Variants in CPT1A observed in about 807,000 individuals in gnomAD.
The protein encoded by CPT1A is carnitine palmitoyltransferase 1A, also known as carnitine O-palmitoyltransferase 1, liver isoform.
Under a neutral mutation model 100.8 loss-of-function variants are expected in CPT1A, and 64 were observed. That is an observed-to-expected ratio of 0.63 (90% confidence interval 0.52 to 0.78). CPT1A has a LOEUF of 0.78. Ranked by LOEUF, CPT1A falls within the 30% of genes least tolerant of loss-of-function variation. CPT1A has a pLI of 0.00. For synonymous variants in CPT1A, 363 were observed against 396.0 expected, an observed-to-expected ratio of 0.92 and a Z score of 0.99; for missense variants, 802 against 1,034.1, an observed-to-expected ratio of 0.78 and a Z score of 3.08.
At chr11:68,770,527 C>T (rs1297270316) in intron 14 of CPT1A, among the ~76,000 whole-genome samples, 1 of 152,192 alleles carries the variant, frequency 6.6e-6, no homozygotes, top group Non-Finnish European at 1.5e-5. Context: ...TACACGATGC[C>T]ACTTATCCTG....
Position 68,797,126 on chromosome 11 carries a change from G to T in CPT1A, c.694-193C>A, listed in dbSNP as rs76665818. Among the ~76,000 whole-genome samples, 1,468 of 152,244 alleles carry T rather than the reference G, an allele frequency of 9.6e-3. 30 individuals are homozygous for T. Among genetic ancestry groups the T allele is most frequent in the African/African-American group, 0.034 (1,414 of 41,530 alleles). On this transcript the variant is annotated intron_variant, in intron 6 of 18. Transcript: ENST00000265641. ...TGCGACACCGTGGGAAATGAAAAGT[G>T]TTCTTTTTAAGTTGAGACAGGCAGA...
At position 68,807,583 on chromosome 11, in the gene CPT1A, C is replaced by G; in HGVS notation, c.337G>C (p.Gly113Arg). The G allele has an allele frequency of 6.2e-7, 1 of 1,614,172 alleles. No homozygotes were observed. The highest frequency in any genetic ancestry group is 8.5e-7 in the Non-Finnish European group (1 of 1,180,046). ...GTGACGATGAGGGCCACCCACAGGCCGGTGCCAAACAGCACGCCGCTGACC... is the reference window on the plus strand; with the variant it reads ...GTGACGATGAGGGCCACCCACAGGCGGGTGCCAAACAGCACGCCGCTGACC... The part of the protein sequence containing the change: ...NVVSGVLFGT[G>R]LWVALIVTMR... Residue 113 changes from glycine to arginine, a missense_variant, in exon 4 of 19, where the codon GGC becomes CGC. By Grantham distance (125) the Gly-to-Arg change is moderately radical. Coordinates refer to ENST00000265641, the MANE Select transcript of CPT1A (RefSeq NM_001876.4).
At chr11:68,818,856 T>TAAACAA (rs34752141) in intron 1 of CPT1A, among the ~76,000 whole-genome samples, 41 of 151,722 alleles carry the variant, frequency 2.7e-4, no homozygotes, top group South Asian at 2.5e-3. Context: ...AGACCCTATC[T>TAAACAA]CAACAACAAC....
chr11:68,803,691 A>G (rs896216448), intron 5 of CPT1A, among the ~76,000 whole-genome samples: 1 of 151,800 alleles, frequency 6.6e-6, no homozygotes, highest in Non-Finnish European at 1.5e-5. Context: ...AGCCTGGGTG[A>G]CAGAGGGAGA....
At position 68,805,831 on chromosome 11, in the gene CPT1A, G is replaced by A. The variant is rs2154000692; in HGVS notation, c.453+1636C>T. Among the ~76,000 whole-genome samples the A allele has an allele frequency of 1.3e-5, 2 of 152,266 alleles. 1 individual carries two copies. Among genetic ancestry groups the A allele is most frequent in the South Asian group, 4.1e-4 (2 of 4,832 alleles). The stretch of plus-strand genomic sequence containing the variant: ...ACACACATCTGGCCCCAGAAACCCA[G>A]GTTGGGCTTGAGGTGCCGAGCAAAG... On this transcript the variant is annotated intron_variant, in intron 4 of 18. Coordinates refer to ENST00000265641, the MANE Select transcript of CPT1A (RefSeq NM_001876.4).
chr11:68,801,074 A>C (rs1384359300), intron 5 of CPT1A, among the ~76,000 whole-genome samples: 1 of 152,202 alleles, frequency 6.6e-6, no homozygotes, highest in Admixed American at 6.5e-5. Context: ...GTGCCACTGC[A>C]TTCCAGCCTG....
chr11:68,790,646 CCAGAGCTGTGG>C lies in CPT1A; in HGVS notation c.967+2658_967+2668del, dbSNP rs1855589336. On this transcript the variant is annotated intron_variant, in intron 9 of 18. Coordinates refer to ENST00000265641, the MANE Select transcript of CPT1A (RefSeq NM_001876.4). ...ACACCTTGATCTCGGACTCTGGCCTCCAGAGCTGTGGCAGAAGAAACTTCTTTTGTCTTAAG... is the reference window on the plus strand; with the variant it reads ...ACACCTTGATCTCGGACTCTGGCCTCCAGAAGAAACTTCTTTTGTCTTAAG... Among the ~76,000 whole-genome samples the C allele has an allele frequency of 2.0e-5, 3 of 152,112 alleles. No homozygotes were observed. The South Asian group carries it at 6.2e-4, about 32-fold the overall frequency.
chr11:68,784,721 C>T (rs1855405521), intron 10 of CPT1A, 94 bp downstream of exon 10: 5 of 1,278,776 alleles, frequency 3.9e-6, no homozygotes, highest in Non-Finnish European at 5.5e-6. Flanking sequence ...AGTCCCGTGC[C>T]AGGATTCCCA....
In CPT1A at chr11:68,770,076, T is replaced by C. The variant is rs561533431; in HGVS notation, c.1740+3189A>G. 6.4e-4 allele frequency among the ~76,000 whole-genome samples: 94 copies of C among 147,120 alleles called. No individual in the cohort carries two copies. The South Asian group carries it at 0.011, about 17-fold the overall frequency. ...CTCCGTCTCAAAAAAAAAAAAACAG[T>C]GTGAACTGGGAACATCCCTTCCTCT... On this transcript the variant is annotated intron_variant, in intron 14 of 18. Coordinates refer to ENST00000265641, the MANE Select transcript of CPT1A (RefSeq NM_001876.4).
chr11:68,805,032 G>C (rs910648043), intron 4 of CPT1A, among the ~76,000 whole-genome samples: 4 of 152,214 alleles, frequency 2.6e-5, no homozygotes, highest in Admixed American at 6.5e-5. Flanking sequence ...CCACTGGAGG[G>C]AGTGCCCTTT....
intron 1 of CPT1A, among the ~76,000 whole-genome samples, chr11:68,824,794 CTTTTTTTT>C (rs60451933): frequency 1.7e-5 from 2 of 120,354 alleles, no homozygotes. Context: ...GCAATTGTAT[CTTTTTTTT>C]TTTTTTTTTT....
chr11:68,821,266 C>A (rs1478725930), intron 1 of CPT1A, among the ~76,000 whole-genome samples: 2 of 152,232 alleles, frequency 1.3e-5, no homozygotes, highest in African/African-American at 4.8e-5. Flanking sequence ...GATTCTCCTG[C>A]CTCAGCCTCC....
Position 68,784,861 on chromosome 11 carries a change from G to C in CPT1A, c.1117C>G (p.Pro373Ala), listed in dbSNP as rs777353560. The change falls in exon 10 of 19, where the codon CCT (proline) becomes GCT (alanine). Residue 373 changes from proline (P) to alanine (A), a missense_variant. Physicochemically the swap from Pro to Ala is conservative, Grantham distance 27. Around this residue, in one of 4 missense-constraint regions of CPT1A, gnomAD observed 627 missense variants for 799.3 expected, o/e 0.78. Coordinates refer to ENST00000265641, the MANE Select transcript of CPT1A (RefSeq NM_001876.4). Reference protein sequence around the residue: ...MQRILDNTSEPQPGEARLAAL... With the variant: ...MQRILDNTSEAQPGEARLAAL... The stretch of plus-strand genomic sequence containing the variant: ...GCCAGCCTGGCCTCCCCGGGCTGAG[G>C]CTCCGAGGTATTGTCCAGGATCCTC... 1.2e-6 allele frequency: 2 copies of C among 1,613,370 alleles called. No homozygotes were observed. Among genetic ancestry groups the C allele is most frequent in the Non-Finnish European group, 1.7e-6 (2 of 1,180,030 alleles).
intron 10 of CPT1A, among the ~76,000 whole-genome samples, chr11:68,783,666 T>C (rs1329219810): frequency 6.6e-6 from 1 of 152,190 alleles, no homozygotes; most frequent in Non-Finnish European, 1.5e-5. Context: ...CTGGGCAATG[T>C]CTGCGACACT....
intron 4 of CPT1A, among the ~76,000 whole-genome samples, chr11:68,805,016 G>C (rs535912505): frequency 6.6e-6 from 1 of 152,356 alleles, no homozygotes; most frequent in South Asian, 2.1e-4. Context: ...AACCTCAGCT[G>C]TGAACCCACT....
intron 1 of CPT1A, among the ~76,000 whole-genome samples, chr11:68,824,619 G>A (rs1286421808): frequency 1.3e-5 from 2 of 152,166 alleles, no homozygotes; most frequent in Admixed American, 6.5e-5. Context: ...AGGCTGGAGT[G>A]CAGTGGCACA....
chr11:68,810,058 G>A (rs1856158272), intron 3 of CPT1A, among the ~76,000 whole-genome samples: 1 of 152,146 alleles, frequency 6.6e-6, no homozygotes, highest in South Asian at 2.1e-4. Context: ...TGTGCCTGCA[G>A]TCCCAGGTAC....
At chr11:68,839,049 A>C (rs1857094161) in intron 1 of CPT1A, among the ~76,000 whole-genome samples, 1 of 152,186 alleles carries the variant, frequency 6.6e-6, no homozygotes, top group Non-Finnish European at 1.5e-5. Flanking sequence ...ACAATCTCGA[A>C]CAGCCATTTT....
chr11:68,773,188 C>G (rs1855040232), intron 14 of CPT1A, 77 bp downstream of exon 14: 3 of 1,602,434 alleles, frequency 1.9e-6, no homozygotes, highest in Non-Finnish European at 2.5e-6. Context: ...CTTCCCTCCC[C>G]ACTGGGTGAA....
Sources: gnomAD v4.1 joint callset for allele counts (sites outside exome capture counted in the v4.1 genomes callset) on GRCh38, gnomAD v4.1.1 for gene constraint, gnomAD v4.1.1 regional missense constraint, MANE v1.5 for transcripts, NCBI Gene and HGNC (gene_info 2026-07-23, HGNC 2026-07-21) for gene names.